BAX: variants seen among roughly 807,000 people sequenced by gnomAD.
BAX encodes the protein BCL2 associated X, apoptosis regulator.
A neutral mutation model predicts 26.8 loss-of-function variants in BAX; 21 were observed. That is an observed-to-expected ratio of 0.78 (90% confidence interval 0.56 to 1.13). The LOEUF (loss-of-function observed/expected upper bound fraction) is 1.13. BAX is among the 50% of genes most tolerant of loss of function. The pLI is 0.00. For synonymous variants in BAX, 110 were observed against 101.8 expected, an observed-to-expected ratio of 1.08 and a Z score of -0.49; for missense variants, 236 against 254.6, an observed-to-expected ratio of 0.93 and a Z score of 0.50.
chr19:48,957,733 A>T (rs529578197), intron 4 of BAX, among the ~76,000 whole-genome samples: 1 of 152,288 alleles, frequency 6.6e-6, no homozygotes, highest in Admixed American at 6.5e-5. Flanking sequence ...TCCCATCATA[A>T]ATTGAAAATA....
Position 48,960,844 on chromosome 19 carries a change from C to T in BAX, c.404C>T (p.Thr135Ile), listed in dbSNP as rs2038326667. The stretch of plus-strand genomic sequence containing the variant: ...ACCAAGGTGCCGGAACTGATCAGAA[C>T]CATCATGGGCTGGACATTGGACTTC... The part of the protein sequence containing the change: ...LCTKVPELIR[T>I]IMGWTLDFLR... Residue 135 changes from threonine (T) to isoleucine (I), a missense_variant, in exon 5 of 6, where the codon ACC becomes ATC. By Grantham distance (89) the Thr-to-Ile change is moderately conservative. Coordinates refer to ENST00000345358, the MANE Select transcript of BAX (RefSeq NM_138761.4). The T allele has an allele frequency of 6.2e-7, 1 of 1,613,998 alleles. No individual in the cohort carries two copies. The highest frequency in any genetic ancestry group is 8.5e-7 in the Non-Finnish European group (1 of 1,179,986).
chr19:48,956,399 G>C (rs1158593391), intron 4 of BAX, 66 bp downstream of exon 4: 8 of 1,442,712 alleles, frequency 5.5e-6, no homozygotes, highest in African/African-American at 1.5e-5. Flanking sequence ...CCTGGGGATC[G>C]TGGTATCAAC....
intron 1 of BAX, 120 bp from the exon 2 acceptor site, chr19:48,955,427 AG>A (rs1219147235): frequency 1.8e-6 from 2 of 1,128,040 alleles, no homozygotes; most frequent in Non-Finnish European, 2.5e-6. Context: ...TTTATCTGCT[AG>A]GGTCCCAGAA....
chr19:48,955,582 G>C lies in BAX; in HGVS notation c.69G>C (p.Gly23=). The C allele has an allele frequency of 1.9e-6, 3 of 1,613,856 alleles. No individual in the cohort carries two copies. Among genetic ancestry groups the C allele is most frequent in the Non-Finnish European group, 2.5e-6 (3 of 1,179,894 alleles). The change falls in exon 2 of 6, where the codon GGG becomes GGC. Residue 23 remains glycine, a synonymous_variant. Coordinates refer to ENST00000345358, the MANE Select transcript of BAX (RefSeq NM_138761.4). ...GCTCTGAGCAGATCATGAAGACAGG[G>C]GCCCTTTTGCTTCAGGGGTGAGTTT... ...PTSSEQIMKT[G]ALLLQGFIQD...
rs1478724845 is a variant in BAX, at chr19:48,954,948, A to G, written c.20A>G (p.Gln7Arg). 1.4e-5 allele frequency: 17 copies of G among 1,245,358 alleles called. No individual in the cohort carries two copies. Among genetic ancestry groups the G allele is most frequent in the Admixed American group, 3.6e-5 (1 of 27,442 alleles). The allele number at this position is 1,245,358 out of a possible 1,614,324, so 77.1% of individuals were successfully genotyped here. A position where few individuals can be genotyped will look rare whatever the true frequency, so the allele number is the denominator to read the frequency against. MDGSGE[Q>R]PRGGGPTSSE... ...GCGGTGATGGACGGGTCCGGGGAGCAGCCCAGAGGCGGGGGTGAGGCGGGA... is the reference window on the plus strand; with the variant it reads ...GCGGTGATGGACGGGTCCGGGGAGCGGCCCAGAGGCGGGGGTGAGGCGGGA... Residue 7 changes from glutamine to arginine, a missense_variant, in exon 1 of 6, where the codon CAG becomes CGG. Physicochemically the swap from Gln to Arg is conservative, Grantham distance 43. Coordinates refer to ENST00000345358, the MANE Select transcript of BAX (RefSeq NM_138761.4).
intron 4 of BAX, among the ~76,000 whole-genome samples, chr19:48,959,178 G>A (rs559257504): frequency 3.4e-4 from 51 of 151,306 alleles, no homozygotes; most frequent in African/African-American, 1.1e-3. Context: ...GTGAAACCCC[G>A]TCTCTACTAA....
Position 48,956,448 on chromosome 19 carries a change from G to A in BAX, c.369+115G>A, listed in dbSNP as rs940476706. Reference sequence around the variant, plus strand: ...CCAGTGACCACAGAGGGCATGGAGAGAGATGGCTGTGCACTGGGTGTCTGC... The same window carrying A: ...CCAGTGACCACAGAGGGCATGGAGAAAGATGGCTGTGCACTGGGTGTCTGC... On this transcript the variant is annotated intron_variant, in intron 4 of 5. Coordinates refer to ENST00000345358, the MANE Select transcript of BAX (RefSeq NM_138761.4). 21 of 1,190,356 alleles carry A rather than the reference G, an allele frequency of 1.8e-5. No homozygotes were observed. In the African/African-American group the frequency reaches 3.2e-4, roughly 18 times the overall value. 73.7% of individuals were successfully genotyped at this position (1,190,356 alleles called of 1,614,324 possible).
intron 4 of BAX, among the ~76,000 whole-genome samples, chr19:48,958,183 G>A (rs2038212015): frequency 6.6e-6 from 1 of 151,394 alleles, no homozygotes; most frequent in Non-Finnish European, 1.5e-5. Flanking sequence ...CAAACCGCTG[G>A]GGTCAAGCAG....
At chr19:48,960,750 C>G in intron 4 of BAX, 60 bp from the exon 5 acceptor site, 1 of 1,393,092 alleles carries the variant, frequency 7.2e-7, no homozygotes, top group Non-Finnish European at 9.9e-7. Context: ...GGTTTGGGGC[C>G]ACTATCTCCA....
intron 4 of BAX, chr19:48,960,188 A>AT (rs11358529): frequency 4.6e-6 from 2 of 437,554 alleles, no homozygotes; most frequent in African/African-American, 2.1e-5. Context: ...TTACAATTTT[A>AT]TTTTTTTTAT....
intron 5 of BAX, 137 bp downstream of exon 5, chr19:48,961,051 T>A: frequency 6.2e-7 from 1 of 1,610,104 alleles, no homozygotes; most frequent in Non-Finnish European, 8.5e-7. Context: ...CTCCCCATCT[T>A]CAGATCATCA....
rs1365192566 is a variant in BAX, at chr19:48,960,801, T to TC, written c.370-5dup. The TC allele has an allele frequency of 1.2e-6, 2 of 1,600,392 alleles. No individual in the cohort carries two copies. The highest frequency in any genetic ancestry group is 1.7e-6 in the Non-Finnish European group (2 of 1,169,568). ...GTTCAGTCCCTAACGCCCACTCCAC[T>TC]CCCCACAGGCCCTGTGCACCAAGGT... is the stretch of plus-strand genomic sequence containing the variant. On this transcript the variant is annotated splice_polypyrimidine_tract_variant and intron_variant, in intron 4 of 5. Coordinates refer to ENST00000345358, the MANE Select transcript of BAX (RefSeq NM_138761.4).
chr19:48,961,287 A>G lies in BAX; in HGVS notation c.475-245A>G, dbSNP rs573277587. 1.7e-5 allele frequency: 24 copies of G among 1,403,394 alleles called. No individual in the cohort carries two copies. The Admixed American group carries it at 2.6e-4, about 15-fold the overall frequency. 86.9% of individuals were successfully genotyped at this position (1,403,394 alleles called of 1,614,324 possible). ...TTCCCCACTGAGAAGGGGTCTCGCT[A>G]TGTTGCCCAGGTTGGTCTCGAACTC... On this transcript the variant is annotated intron_variant, in intron 5 of 5. Coordinates refer to ENST00000345358, the MANE Select transcript of BAX (RefSeq NM_138761.4).
At chr19:48,959,194 CA>C (rs1381828526) in intron 4 of BAX, among the ~76,000 whole-genome samples, 1 of 151,206 alleles carries the variant, frequency 6.6e-6, no homozygotes, top group Non-Finnish European at 1.5e-5. Context: ...ACTAAAAATA[CA>C]AAAAATTAGC....
rs998145625 is a variant in BAX, at chr19:48,960,749, C to T, written c.370-61C>T. 13 of 1,383,208 alleles carry T rather than the reference C, an allele frequency of 9.4e-6. No individual in the cohort carries two copies. In the African/African-American group the frequency reaches 1.6e-4, roughly 17 times the overall value. The allele number at this position is 1,383,208 out of a possible 1,614,324, so 85.7% of individuals were successfully genotyped here. ...AAGAATTGACAAAGGAGGTTTGGGG[C>T]CACTATCTCCAGGCAGTGGGGACAA... On this transcript the variant is annotated intron_variant, in intron 4 of 5. Coordinates refer to ENST00000345358, the MANE Select transcript of BAX (RefSeq NM_138761.4).
At chr19:48,960,949 G>C (rs141194773) in intron 5 of BAX, 35 bp downstream of exon 5, 8 of 1,612,688 alleles carry the variant, frequency 5.0e-6, no homozygotes, top group Non-Finnish European at 5.9e-6. Flanking sequence ...CCCCACCACC[G>C]CGCCCTCACC....
intron 5 of BAX, chr19:48,961,246 T>C: frequency 3.5e-6 from 5 of 1,434,898 alleles, no homozygotes; most frequent in Non-Finnish European, 3.6e-6. Context: ...ACCCTAGCTC[T>C]TTCCTTTTTT....
chr19:48,956,002 C>T (rs2038114542), intron 3 of BAX, 169 bp downstream of exon 3: 2 of 1,129,178 alleles, frequency 1.8e-6, no homozygotes, highest in East Asian at 2.7e-5. Context: ...TTAAAACCCT[C>T]CTTCAGGGAG....
intron 4 of BAX, 93 bp from the exon 5 acceptor site, chr19:48,960,717 G>A: frequency 9.0e-7 from 1 of 1,109,782 alleles, no homozygotes; most frequent in Non-Finnish European, 1.3e-6. Context: ...ATCTTTGAGG[G>A]GAGGCAAAGA....
Sources: allele counts gnomAD v4.1 joint callset (sites outside exome capture counted in the v4.1 genomes callset), GRCh38; gene constraint gnomAD v4.1.1; transcripts MANE v1.5; gene names NCBI Gene and HGNC (gene_info 2026-07-23, HGNC 2026-07-21).